BICRAL: variants seen among roughly 807,000 people sequenced by gnomAD.
BICRAL encodes the protein BICRA like chromatin remodeling complex associated protein, also known as BRD4-interacting chromatin-remodeling complex-associated protein-like.
BICRAL carries 8 observed loss-of-function variants against 91.8 expected under a neutral mutation model. The ratio of observed to expected loss-of-function variants is 0.09; its 90% confidence interval spans 0.05 to 0.16. BICRAL has a LOEUF of 0.16. Ranked by LOEUF, BICRAL falls within the 10% of genes least tolerant of loss-of-function variation. The probability of loss-of-function intolerance (pLI) is 1.00; values close to 1 mark genes in which losing one functional copy is unlikely to be tolerated. For synonymous variants in BICRAL, 445 were observed against 491.1 expected (o/e 0.91, Z 1.24); for missense variants, 1,038 against 1,310.9 (o/e 0.79, Z 3.21).
intron 1 of BICRAL, among the ~76,000 whole-genome samples, chr6:42,769,398 C>T (rs1762686748): frequency 6.6e-6 from 1 of 152,220 alleles, no homozygotes; most frequent in Admixed American, 6.5e-5. Context: ...AGATGGGAAG[C>T]TTCTGCCCTA....
rs185497679 is a variant in BICRAL, at chr6:42,853,142, C to G, written c.1946-496C>G. 2.3e-3 allele frequency among the ~76,000 whole-genome samples: 341 copies of G among 151,274 alleles called. 1 individual carries two copies. Among genetic ancestry groups the G allele is most frequent in the Non-Finnish European group, 3.8e-3 (258 of 67,892 alleles). On this transcript the variant is annotated intron_variant, in intron 7 of 12. Transcript: ENST00000314073. ...TTATCCCCATGTTGCTCTCTACATG[C>G]ATGTTTGGAATTCTCCACCCAGACT... is the stretch of plus-strand genomic sequence containing the variant.
At chr6:42,803,309 G>T (rs9471920) in intron 1 of BICRAL, among the ~76,000 whole-genome samples, 10,075 of 152,082 alleles carry the variant, frequency 0.066, 560 homozygotes, top group African/African-American at 0.14. Flanking sequence ...ATTTCCTTAC[G>T]CCTGAGAGAA....
chr6:42,848,868 G>T (rs1033223724), intron 6 of BICRAL, among the ~76,000 whole-genome samples: 1 of 152,208 alleles, frequency 6.6e-6, no homozygotes, highest in Non-Finnish European at 1.5e-5. Context: ...AGGTACTCAC[G>T]GCTGGGCTTG....
At chr6:42,823,126 A>G in intron 5 of BICRAL, 123 bp downstream of exon 5, 1 of 604,484 alleles carries the variant, frequency 1.7e-6, no homozygotes, top group Non-Finnish European at 2.9e-6. Flanking sequence ...AATTAATTTA[A>G]TTTTATTTAT....
chr6:42,828,078 A>T (rs955387012), intron 5 of BICRAL, among the ~76,000 whole-genome samples: 1 of 152,148 alleles, frequency 6.6e-6, no homozygotes, highest in Non-Finnish European at 1.5e-5. Flanking sequence ...CAGTTTAGAG[A>T]GTTATGCCTG....
intron 3 of BICRAL, 49 bp from the exon 4 acceptor site, chr6:42,822,747 A>T: frequency 2.1e-6 from 2 of 972,226 alleles, no homozygotes; most frequent in East Asian, 4.8e-5. Flanking sequence ...CTAAATATAG[A>T]TAGTATATTT....
At chr6:42,814,064 G>C (rs922358830) in intron 2 of BICRAL, among the ~76,000 whole-genome samples, 2 of 151,900 alleles carry the variant, frequency 1.3e-5, no homozygotes, top group Non-Finnish European at 2.9e-5. Flanking sequence ...CAACTATTCC[G>C]TAGTTCATGT....
intron 1 of BICRAL, among the ~76,000 whole-genome samples, chr6:42,795,400 C>T (rs1197706163): frequency 6.6e-6 from 1 of 152,130 alleles, no homozygotes; most frequent in East Asian, 1.9e-4. Flanking sequence ...CACTGCACTC[C>T]AGCCTGGGCA....
chr6:42,790,930 T>G (rs548755064), intron 1 of BICRAL, among the ~76,000 whole-genome samples: 44 of 152,162 alleles, frequency 2.9e-4, no homozygotes, highest in African/African-American at 1.0e-3. Context: ...GAGAGCTGAC[T>G]GCAAAGGCAT....
intron 1 of BICRAL, among the ~76,000 whole-genome samples, chr6:42,771,711 T>C (rs954798742): frequency 2.6e-5 from 4 of 152,130 alleles, no homozygotes; most frequent in African/African-American, 7.2e-5. Flanking sequence ...TGTACTGAGA[T>C]ACAATGGCTG....
chr6:42,863,301 G>T (rs895263476), intron 12 of BICRAL, among the ~76,000 whole-genome samples: 1 of 152,060 alleles, frequency 6.6e-6, no homozygotes, highest in Non-Finnish European at 1.5e-5. Context: ...GCCTGCCTTG[G>T]CCTCCCAAAG....
Position 42,828,501 on chromosome 6 carries a change from T to C in BICRAL, c.168T>C (p.Asp56=), listed in dbSNP as rs1363390505. ...NSIFANSSNA[D]PKSSLKGVSN... Reference sequence around the variant, plus strand: ...ACTGTTTATTTTTTTAGAATGCTGATCCTAAGTCATCCCTCAAAGGTGTAA... The same window carrying C: ...ACTGTTTATTTTTTTAGAATGCTGACCCTAAGTCATCCCTCAAAGGTGTAA... Residue 56 remains aspartate, a synonymous_variant, in exon 6 of 13, where the codon GAT becomes GAC. Coordinates refer to ENST00000314073, the MANE Select transcript of BICRAL (RefSeq NM_001393499.1). The C allele has an allele frequency of 2.0e-5, 33 of 1,611,450 alleles. No individual in the cohort carries two copies. Among genetic ancestry groups the C allele is most frequent in the Non-Finnish European group, 2.5e-5 (30 of 1,178,812 alleles).
intron 1 of BICRAL, among the ~76,000 whole-genome samples, chr6:42,793,795 G>A (rs569734422): frequency 7.1e-6 from 1 of 139,984 alleles, no homozygotes; most frequent in Non-Finnish European, 1.5e-5. Context: ...TTGAGACAGG[G>A]TCTTGCTCTG....
chr6:42,843,800 CTTTT>C (rs55723359), intron 6 of BICRAL, among the ~76,000 whole-genome samples: 6 of 102,102 alleles, frequency 5.9e-5, no homozygotes, highest in Non-Finnish European at 6.1e-5. Flanking sequence ...TAAATTTCTT[CTTTT>C]TTTTTTTTTT....
chr6:42,822,252 T>TC (rs1301948458), intron 3 of BICRAL, among the ~76,000 whole-genome samples, 189 bp downstream of exon 3: 31 of 151,680 alleles, frequency 2.0e-4, no homozygotes, highest in African/African-American at 7.5e-4. Context: ...TTTTTTTTTT[T>TC]CCTTTTGAGA....
Position 42,817,633 on chromosome 6 carries a change from G to C in BICRAL, c.-5-4385G>C, listed in dbSNP as rs115658483. Among the ~76,000 whole-genome samples, 1,077 of 151,918 alleles carry C rather than the reference G, an allele frequency of 7.1e-3. 5 individuals carry two copies. Among genetic ancestry groups the C allele is most frequent in the African/African-American group, 0.023 (950 of 41,452 alleles). Reference sequence around the variant, plus strand: ...TAGCTGGAACTACAGGTGTGCATCAGCACACTCAACTAATTTTTAAATGTT... The same window carrying C: ...TAGCTGGAACTACAGGTGTGCATCACCACACTCAACTAATTTTTAAATGTT... On this transcript the variant is annotated intron_variant, in intron 2 of 12. Coordinates refer to ENST00000314073, the MANE Select transcript of BICRAL (RefSeq NM_001393499.1).
At chr6:42,791,722 C>G (rs183709616) in intron 1 of BICRAL, among the ~76,000 whole-genome samples, 12 of 152,266 alleles carry the variant, frequency 7.9e-5, no homozygotes, top group Non-Finnish European at 1.6e-4. Flanking sequence ...CCTCGGCCTC[C>G]CAAAGTGCTA....
intron 1 of BICRAL, among the ~76,000 whole-genome samples, chr6:42,802,428 T>TTTGTTGTTG (rs1554277645): frequency 6.7e-5 from 7 of 103,938 alleles, no homozygotes; most frequent in Admixed American, 1.8e-4. Flanking sequence ...CGTGTTTTTT[T>TTTGTTGTTG]TTGTTGTTGT....
intron 5 of BICRAL, 123 bp downstream of exon 5, chr6:42,823,126 AT>A (rs1764192037): frequency 1.7e-6 from 1 of 604,366 alleles, no homozygotes; most frequent in African/African-American, 1.9e-5. Context: ...AATTAATTTA[AT>A]TTTATTTATT....
Sources: allele counts gnomAD v4.1 joint callset (sites outside exome capture counted in the v4.1 genomes callset), GRCh38; gene constraint gnomAD v4.1.1; transcripts MANE v1.5; gene names NCBI Gene and HGNC (gene_info 2026-07-23, HGNC 2026-07-21).